Variants in ZBBX observed in about 807,000 individuals in gnomAD.
ZBBX encodes the protein zinc finger B-box domain containing.
Under a neutral mutation model 108.5 loss-of-function variants are expected in ZBBX, and 101 were observed. The ratio of observed to expected loss-of-function variants is 0.93; its 90% confidence interval spans 0.79 to 1.10. The LOEUF (loss-of-function observed/expected upper bound fraction) is 1.10. Ranked by LOEUF, ZBBX falls within the 50% of genes least tolerant of loss-of-function variation. ZBBX has a pLI of 0.00. For missense variants in ZBBX, 1,009 were observed against 941.4 expected (o/e 1.07, Z -0.94); for synonymous variants, 356 against 323.4 (o/e 1.10, Z -1.08).
chr3:167,265,506 A>T (rs1039910614), intron 20 of ZBBX, among the ~76,000 whole-genome samples: 12 of 152,126 alleles, frequency 7.9e-5, no homozygotes, highest in Non-Finnish European at 1.3e-4. Context: ...ATGCAGAAGG[A>T]AGGAGTCACT....
intron 15 of ZBBX, among the ~76,000 whole-genome samples, chr3:167,315,040 G>A (rs1735200905): frequency 6.6e-6 from 1 of 152,102 alleles, no homozygotes. Context: ...CTGTTCAGGG[G>A]AATCACTCAG....
intron 4 of ZBBX, among the ~76,000 whole-genome samples, chr3:167,371,794 T>C (rs1009421068): frequency 1.3e-5 from 2 of 152,188 alleles, no homozygotes; most frequent in Non-Finnish European, 2.9e-5. Context: ...TTATAACATT[T>C]CCAGTTTACA....
intron 20 of ZBBX, among the ~76,000 whole-genome samples, chr3:167,266,209 T>C (rs1725434852): frequency 6.6e-6 from 1 of 152,220 alleles, no homozygotes; most frequent in African/African-American, 2.4e-5. Flanking sequence ...TCTCAACTTT[T>C]GAAGGTATAT....
chr3:167,270,218 C>A (rs189490284), intron 20 of ZBBX, among the ~76,000 whole-genome samples: 6 of 152,136 alleles, frequency 3.9e-5, no homozygotes, highest in African/African-American at 1.4e-4. Flanking sequence ...TAGGCCATTT[C>A]GTAAGTGCAG....
At chr3:167,331,445 G>T in intron 10 of ZBBX, 1 of 462,666 alleles carries the variant, frequency 2.2e-6, no homozygotes, top group Non-Finnish European at 2.8e-6. Flanking sequence ...AAACTCAGTG[G>T]CTTAATACAA....
intron 16 of ZBBX, among the ~76,000 whole-genome samples, chr3:167,309,880 C>A (rs995434888): frequency 6.6e-6 from 1 of 152,164 alleles, no homozygotes; most frequent in Non-Finnish European, 1.5e-5. Context: ...ATGGGTGTTT[C>A]TTTTCTACCA....
At chr3:167,277,929 C>T (rs978831790) in intron 20 of ZBBX, among the ~76,000 whole-genome samples, 3 of 151,510 alleles carry the variant, frequency 2.0e-5, no homozygotes, top group Admixed American at 6.6e-5. Flanking sequence ...GAAACTAGAA[C>T]TCAGGATTAA....
intron 17 of ZBBX, among the ~76,000 whole-genome samples, chr3:167,303,376 G>A (rs1733055658): frequency 6.6e-6 from 1 of 152,072 alleles, no homozygotes; most frequent in Non-Finnish European, 1.5e-5. Context: ...AGTCTTACAA[G>A]TTATGGTACA....
chr3:167,392,843 A>T (rs896184259), intron 1 of ZBBX: 4 of 151,862 alleles, frequency 2.6e-5, no homozygotes, highest in Non-Finnish European at 4.4e-5. Context: ...TGAATTTGAG[A>T]TGTTAGACAT....
chr3:167,288,974 T>C lies in ZBBX; in HGVS notation c.1889A>G (p.Glu630Gly). The C allele has an allele frequency of 6.5e-7, 1 of 1,528,948 alleles. No homozygotes were observed. The highest frequency in any genetic ancestry group is 8.8e-7 in the Non-Finnish European group (1 of 1,134,620). The allele number at this position is 1,528,948 out of a possible 1,614,324, so 94.7% of individuals were successfully genotyped here. A position where few individuals can be genotyped will look rare whatever the true frequency, so the allele number is the denominator to read the frequency against. The change falls in exon 19 of 22, where the codon GAA (glutamate) becomes GGA (glycine). Residue 630 changes from glutamate (E) to glycine (G), a missense_variant. Glu to Gly is a moderately conservative substitution (Grantham distance 98, BLOSUM62 -2). Transcript: ENST00000675490. ...ACTTAAGCTATGGTCTGGAATCCAT[T>C]CTCTGTCTTCTGAAATTGAAAAACA... The part of the protein sequence containing the change: ...STRITLAEDR[E>G]WIPDHSLSEY...
At chr3:167,276,439 T>C (rs1171002422) in intron 20 of ZBBX, among the ~76,000 whole-genome samples, 3 of 151,888 alleles carry the variant, frequency 2.0e-5, no homozygotes, top group African/African-American at 7.3e-5. Flanking sequence ...GAGAACTATG[T>C]GAAGAATGCA....
the ZBBX span, among the ~76,000 whole-genome samples, chr3:167,209,858 G>A: frequency 6.6e-6 from 1 of 152,184 alleles, no homozygotes; most frequent in Admixed American, 6.5e-5. Context: ...GGGAGGCCAA[G>A]GCGGGTGGAT....
intron 19 of ZBBX, among the ~76,000 whole-genome samples, chr3:167,284,544 C>A (rs1729383853): frequency 6.6e-6 from 1 of 152,046 alleles, no homozygotes; most frequent in African/African-American, 2.4e-5. Context: ...TCTGCCAATT[C>A]ACAGAAATGA....
intron 1 of ZBBX, among the ~76,000 whole-genome samples, chr3:167,398,808 C>T (rs924975972): frequency 1.3e-5 from 2 of 151,694 alleles, no homozygotes; most frequent in African/African-American, 4.8e-5. Flanking sequence ...AATATTAATC[C>T]CCTATGTGAC....
chr3:167,346,787 A>G (rs1741533266), intron 9 of ZBBX, among the ~76,000 whole-genome samples: 1 of 151,848 alleles, frequency 6.6e-6, no homozygotes, highest in Non-Finnish European at 1.5e-5. Flanking sequence ...CCAAAGCACA[A>G]CAACAACAAC....
Position 167,333,843 on chromosome 3 carries a change from T to A in ZBBX, c.671A>T (p.Gln224Leu). The part of the protein sequence containing the change: ...IQHKPKSVLL[Q>L]RSSSEVEITT... ...TCAGTTTACCTCAGAGCTGCTCCTCTGGAGAAGTACAGATTTGGGTTTATG... is the reference window on the plus strand; with the variant it reads ...TCAGTTTACCTCAGAGCTGCTCCTCAGGAGAAGTACAGATTTGGGTTTATG... Residue 224 changes from glutamine to leucine, a missense_variant, in exon 10 of 22, where the codon CAG (glutamine) becomes CTG (leucine). Gln to Leu is a moderately radical substitution (Grantham distance 113, BLOSUM62 -2). Coordinates refer to ENST00000675490, the MANE Select transcript of ZBBX (RefSeq NM_001199201.2). The A allele has an allele frequency of 6.2e-7, 1 of 1,607,762 alleles. No individual in the cohort carries two copies. The highest frequency in any genetic ancestry group is 8.5e-7 in the Non-Finnish European group (1 of 1,177,842).
chr3:167,273,277 A>G (rs1324588107), intron 20 of ZBBX, among the ~76,000 whole-genome samples: 2 of 152,208 alleles, frequency 1.3e-5, no homozygotes, highest in South Asian at 2.1e-4. Context: ...TCTGTCTCAC[A>G]TTAAATAAAA....
At chr3:167,243,274 A>G (rs758647400) in intron 20 of ZBBX, among the ~76,000 whole-genome samples, 3 of 152,224 alleles carry the variant, frequency 2.0e-5, no homozygotes, top group Non-Finnish European at 4.4e-5. Flanking sequence ...ACTAAATATC[A>G]TTGTATATTA....
intron 9 of ZBBX, among the ~76,000 whole-genome samples, chr3:167,347,379 T>A (rs749737943): frequency 6.6e-6 from 1 of 151,874 alleles, no homozygotes; most frequent in African/African-American, 2.4e-5. Context: ...CACCTATGTA[T>A]AAAAAATGGA....
Sources: allele counts gnomAD v4.1 joint callset (sites outside exome capture counted in the v4.1 genomes callset), GRCh38; gene constraint gnomAD v4.1.1; transcripts MANE v1.5; gene names NCBI Gene and HGNC (gene_info 2026-07-23, HGNC 2026-07-21).